The following RAB28 variants were observed in gnomAD, a reference collection of about 807,000 sequenced individuals.
The protein encoded by RAB28 is RAB28, member RAS oncogene family.
RAB28 carries 24 observed loss-of-function variants against 31.7 expected under a neutral mutation model. The ratio of observed to expected loss-of-function variants is 0.76; its 90% confidence interval spans 0.55 to 1.06. RAB28 has a LOEUF of 1.06. Ranked by LOEUF, RAB28 falls within the 50% of genes least tolerant of loss-of-function variation. The pLI, the probability that RAB28 is intolerant of heterozygous loss-of-function variation, is 0.00. For synonymous variants in RAB28, 100 were observed against 90.4 expected, an observed-to-expected ratio of 1.11 and a Z score of -0.60; for missense variants, 254 against 258.5, an observed-to-expected ratio of 0.98 and a Z score of 0.12.
At chr4:13,471,727 T>C (rs908383394) in intron 3 of RAB28, among the ~76,000 whole-genome samples, 2 of 152,034 alleles carry the variant, frequency 1.3e-5, no homozygotes, top group Admixed American at 1.3e-4. Flanking sequence ...GACAATTTCA[T>C]AGAAAGATCC....
At chr4:13,458,140 G>A (rs546053575) in intron 4 of RAB28, among the ~76,000 whole-genome samples, 1 of 152,144 alleles carries the variant, frequency 6.6e-6, no homozygotes, top group Non-Finnish European at 1.5e-5. Flanking sequence ...AAACAAATGA[G>A]CAAAATTTAA....
chr4:13,417,644 G>A (rs1712868919), intron 4 of RAB28, among the ~76,000 whole-genome samples: 1 of 152,180 alleles, frequency 6.6e-6, no homozygotes, highest in Non-Finnish European at 1.5e-5. Flanking sequence ...CAACAGACCT[G>A]CAGCTGAGGG....
chr4:13,406,930 T>C (rs551988160), intron 4 of RAB28, among the ~76,000 whole-genome samples: 1 of 152,348 alleles, frequency 6.6e-6, no homozygotes, highest in South Asian at 2.1e-4. Flanking sequence ...TGCAAAAATT[T>C]TCTCCCATTC....
Position 13,460,684 on chromosome 4 carries a change from G to A in RAB28, c.391+15C>T, listed in dbSNP as rs1417871034. On this transcript the variant is annotated intron_variant, in intron 4 of 6. Transcript: ENST00000330852. The stretch of plus-strand genomic sequence containing the variant: ...AGTAAACTGTACCATACATAAACAA[G>A]CAGTAATAACTTACTTTTATTGCCT... 1.9e-6 allele frequency: 3 copies of A among 1,613,648 alleles called. No homozygotes were observed. The highest frequency in any genetic ancestry group is 2.5e-6 in the Non-Finnish European group (3 of 1,179,726).
intron 6 of RAB28, among the ~76,000 whole-genome samples, chr4:13,373,497 G>A (rs1312884016): frequency 6.6e-6 from 1 of 152,148 alleles, no homozygotes; most frequent in Non-Finnish European, 1.5e-5. Flanking sequence ...CTTGAGGATA[G>A]GGACTTTCTC....
chr4:13,412,994 G>A (rs1712529819), intron 4 of RAB28, among the ~76,000 whole-genome samples: 1 of 150,568 alleles, frequency 6.6e-6, no homozygotes, highest in African/African-American at 2.4e-5. Context: ...CAACTACAAG[G>A]AAATAAAAAC....
In RAB28 at chr4:13,368,308, A is replaced by C. The variant is rs773014610; in HGVS notation, c.*250T>G. On this transcript the variant is annotated 3_prime_UTR_variant, in exon 7 of 7. Coordinates refer to ENST00000330852, the MANE Select transcript of RAB28 (RefSeq NM_001017979.3). ...CAAAGAAACAACATCATTCTTTTGC[A>C]ATGAAGCAGTCTAATTCCAGGGAAT... 6.9e-5 allele frequency: 78 copies of C among 1,134,094 alleles called. No individual in the cohort carries two copies. Among genetic ancestry groups the C allele is most frequent in the Non-Finnish European group, 8.1e-5 (75 of 926,158 alleles). The allele number at this position is 1,134,094 out of a possible 1,614,324, so 70.3% of individuals were successfully genotyped here.
At chr4:13,426,978 A>G (rs1713531811) in intron 4 of RAB28, among the ~76,000 whole-genome samples, 1 of 152,172 alleles carries the variant, frequency 6.6e-6, no homozygotes, top group Non-Finnish European at 1.5e-5. Flanking sequence ...GTTATTAATC[A>G]TCATTAACAT....
At chr4:13,470,622 T>C (rs1279631463) in intron 3 of RAB28, among the ~76,000 whole-genome samples, 3 of 152,004 alleles carry the variant, frequency 2.0e-5, no homozygotes, top group Non-Finnish European at 4.4e-5. Flanking sequence ...ATCCAGTCCT[T>C]CTCTGAGGTT....
At chr4:13,400,213 G>A (rs1032315536) in intron 4 of RAB28, among the ~76,000 whole-genome samples, 3 of 152,074 alleles carry the variant, frequency 2.0e-5, no homozygotes, top group Non-Finnish European at 4.4e-5. Context: ...TGTTTACTTG[G>A]ATGAATTCCC....
intron 4 of RAB28, among the ~76,000 whole-genome samples, chr4:13,430,569 G>A (rs1475533707): frequency 1.3e-5 from 2 of 152,154 alleles, no homozygotes; most frequent in Non-Finnish European, 2.9e-5. Flanking sequence ...AGAACCAGGT[G>A]ACCAGCTTGC....
intron 6 of RAB28, among the ~76,000 whole-genome samples, chr4:13,376,330 A>G (rs1192846320): frequency 1.3e-5 from 2 of 152,126 alleles, no homozygotes; most frequent in Non-Finnish European, 2.9e-5. Context: ...TTCCCAACAA[A>G]AGAGACAAAA....
At position 13,474,422 on chromosome 4, in the gene RAB28, T is replaced by G; in HGVS notation, c.173-16A>C. 3.4e-6 allele frequency: 5 copies of G among 1,462,934 alleles called. No individual in the cohort carries two copies. The highest frequency in any genetic ancestry group is 4.7e-6 in the Non-Finnish European group (5 of 1,062,218). The allele number at this position is 1,462,934 out of a possible 1,614,324, so 90.6% of individuals were successfully genotyped here. A position where few individuals can be genotyped will look rare whatever the true frequency, so the allele number is the denominator to read the frequency against. On this transcript the variant is annotated splice_polypyrimidine_tract_variant and intron_variant, in intron 2 of 6. Transcript: ENST00000330852. The stretch of plus-strand genomic sequence containing the variant: ...TTCAAGTTTCCTAGAATATAAAAAA[T>G]GAATATAAAAATAAGAATACCAAAA...
At chr4:13,405,653 G>A (rs1577180416) in intron 4 of RAB28, among the ~76,000 whole-genome samples, 1 of 152,200 alleles carries the variant, frequency 6.6e-6, no homozygotes, top group African/African-American at 2.4e-5. Context: ...AATCATGGGA[G>A]AGCAATAAAA....
chr4:13,394,375 G>T (rs909016963), intron 4 of RAB28, among the ~76,000 whole-genome samples: 1 of 152,142 alleles, frequency 6.6e-6, no homozygotes, highest in Non-Finnish European at 1.5e-5. Context: ...TCCCTTGCAT[G>T]TGCTGTTCAT....
chr4:13,369,453 T>C (rs920791020), intron 6 of RAB28, among the ~76,000 whole-genome samples: 4 of 152,118 alleles, frequency 2.6e-5, no homozygotes, highest in African/African-American at 9.7e-5. Flanking sequence ...AATCCTTTAC[T>C]GTTTTCAACT....
At chr4:13,400,906 A>C (rs1711710420) in intron 4 of RAB28, among the ~76,000 whole-genome samples, 1 of 152,194 alleles carries the variant, frequency 6.6e-6, no homozygotes, top group Non-Finnish European at 1.5e-5. Flanking sequence ...CTGCATTTCC[A>C]GGATAAACTC....
At chr4:13,370,994 T>C in intron 6 of RAB28, 2 of 983,972 alleles carry the variant, frequency 2.0e-6, no homozygotes, top group Non-Finnish European at 2.4e-6. Context: ...ATCCATGTGA[T>C]TGCAAATAAC....
At chr4:13,473,811 G>A (rs1716225429) in intron 3 of RAB28, 2 of 366,622 alleles carry the variant, frequency 5.5e-6, no homozygotes. Flanking sequence ...ATTATTGTAT[G>A]TGTTTCACAT....
Sources: allele counts gnomAD v4.1 joint callset (sites outside exome capture counted in the v4.1 genomes callset), GRCh38; gene constraint gnomAD v4.1.1; transcripts MANE v1.5; gene names NCBI Gene and HGNC (gene_info 2026-07-23, HGNC 2026-07-21).